The following ALMS1 variants were observed in gnomAD, a reference collection of about 807,000 sequenced individuals.
The protein encoded by ALMS1 is ALMS1 centrosome and basal body associated protein.
ALMS1 carries 271 observed loss-of-function variants against 352.2 expected under a neutral mutation model. The observed-to-expected ratio is 0.77, with a 90% CI of 0.70 to 0.85. The LOEUF is 0.85. Ranked by LOEUF, ALMS1 falls within the 40% of genes least tolerant of loss-of-function variation. The pLI is 0.00. For synonymous variants in ALMS1, 1,865 were observed against 1,761.2 expected, an observed-to-expected ratio of 1.06 and a Z score of -1.48; for missense variants, 5,445 against 4,870.7, an observed-to-expected ratio of 1.12 and a Z score of -3.51.
intron 9 of ALMS1, among the ~76,000 whole-genome samples, chr2:73,485,468 C>G (rs1340508354): frequency 6.6e-6 from 1 of 152,250 alleles, no homozygotes; most frequent in African/African-American, 2.4e-5. Flanking sequence ...AGAACCACTG[C>G]TCTCTTCAAA....
chr2:73,570,711 G>A (rs1446044392), intron 15 of ALMS1, among the ~76,000 whole-genome samples: 1 of 152,196 alleles, frequency 6.6e-6, no homozygotes. Context: ...GATGAGTTGG[G>A]TTCCAGAGCA....
In ALMS1 at chr2:73,386,165, G is replaced by A. The variant is rs1193814238; in HGVS notation, c.297G>A (p.Ser99=). Residue 99 remains serine, a synonymous_variant, in exon 1 of 23, where the codon TCG becomes TCA. Transcript: ENST00000613296. The stretch of plus-strand genomic sequence containing the variant: ...TGTCGCCCCCGCAGCACCGCTACTC[G>A]GAGGGCGAGCGGACCTCCCTGGAGA... The part of the protein sequence containing the change: ...PPLSPPQHRY[S]EGERTSLEKI... 1.3e-6 allele frequency: 2 copies of A among 1,550,794 alleles called. No individual in the cohort carries two copies. The highest frequency in any genetic ancestry group is 2.0e-5 in the Admixed American group (1 of 51,054).
chr2:73,494,724 GT>G (rs1218615754), intron 10 of ALMS1, among the ~76,000 whole-genome samples: 1 of 152,194 alleles, frequency 6.6e-6, no homozygotes, highest in Admixed American at 6.5e-5. Flanking sequence ...AGCACATTAT[GT>G]TGATATACAT....
chr2:73,534,425 A>G (rs1673984326), intron 11 of ALMS1, among the ~76,000 whole-genome samples: 1 of 152,158 alleles, frequency 6.6e-6, no homozygotes, highest in Non-Finnish European at 1.5e-5. Context: ...GTAAGATAAC[A>G]TGTTTTTTAG....
intron 7 of ALMS1, among the ~76,000 whole-genome samples, chr2:73,432,784 A>G (rs1671526433): frequency 6.6e-6 from 1 of 152,146 alleles, no homozygotes; most frequent in Admixed American, 6.5e-5. Flanking sequence ...AAACATTCAG[A>G]CCATCACAAG....
rs369011755 is a variant in ALMS1 at position 73,452,639 on chromosome 2, A to T, written c.6112A>T (p.Thr2038Ser). 2 of 1,613,972 alleles carry T rather than the reference A, an allele frequency of 1.2e-6. No individual in the cohort carries two copies. Among genetic ancestry groups the T allele is most frequent in the Admixed American group, 1.7e-5 (1 of 60,000 alleles). Residue 2038 changes from threonine to serine, a missense_variant, in exon 8 of 23, where the codon ACT (threonine) becomes TCT (serine). Coordinates refer to ENST00000613296, the MANE Select transcript of ALMS1 (RefSeq NM_001378454.1). ...TGTGATTGGACCAAATGACCAGAAG[A>T]CTCCATCCCAGACAGCTTTTCATAG... is the stretch of plus-strand genomic sequence containing the variant. ...STVIGPNDQK[T>S]PSQTAFHSSY...
At chr2:73,537,365 G>T (rs943397984) in intron 12 of ALMS1, among the ~76,000 whole-genome samples, 1 of 152,168 alleles carries the variant, frequency 6.6e-6, no homozygotes, top group African/African-American at 2.4e-5. Context: ...GACCCAAGGC[G>T]CTAGGTCTTA....
intron 10 of ALMS1, among the ~76,000 whole-genome samples, 200 bp downstream of exon 10, chr2:73,491,698 T>A (rs1280865796): frequency 6.6e-6 from 1 of 152,242 alleles, no homozygotes; most frequent in African/African-American, 2.4e-5. Flanking sequence ...CATTTATATT[T>A]CAGAGGGCTT....
rs2104026319 is a variant in ALMS1, at chr2:73,547,089, T to C, written c.9908-3178T>C. 1.3e-5 allele frequency among the ~76,000 whole-genome samples: 2 copies of C among 152,342 alleles called. 1 individual carries two copies. On this transcript the variant is annotated intron_variant, in intron 12 of 22. Coordinates refer to ENST00000613296, the MANE Select transcript of ALMS1 (RefSeq NM_001378454.1). Reference sequence around the variant, plus strand: ...AGTATTTAATAAACTATATGAACTATTTGATACTGTATTATAAAATAGACT... The same window carrying C: ...AGTATTTAATAAACTATATGAACTACTTGATACTGTATTATAAAATAGACT...
chr2:73,459,297 T>C (rs1397278458), intron 9 of ALMS1: 3 of 152,206 alleles, frequency 2.0e-5, no homozygotes, highest in African/African-American at 4.8e-5. Context: ...ACTTGTAATG[T>C]TAACTCATAC....
In ALMS1 at chr2:73,450,732, C is replaced by T; in HGVS notation, c.4205C>T (p.Thr1402Ile). 1.2e-6 allele frequency: 2 copies of T among 1,613,312 alleles called. No homozygotes were observed. Among genetic ancestry groups the T allele is most frequent in the South Asian group, 2.2e-5 (2 of 91,054 alleles). The change falls in exon 8 of 23, where the codon ACT (threonine) becomes ATT (isoleucine). Residue 1402 changes from threonine (T) to isoleucine (I), a missense_variant. Physicochemically the swap from Thr to Ile is moderately conservative, Grantham distance 89. Coordinates refer to ENST00000613296, the MANE Select transcript of ALMS1 (RefSeq NM_001378454.1). ...YQQSLPGSHL[T>I]EEAKNVSAVP... is the part of the protein sequence containing the mutation. ...CAGTCGTTGCCAGGTAGTCATCTAA[C>T]TGAAGAGGCTAAGAACGTTTCAGCG...
intron 14 of ALMS1, 89 bp from the exon 15 acceptor site, chr2:73,558,883 G>A (rs1349073091): frequency 4.3e-6 from 6 of 1,380,016 alleles, no homozygotes; most frequent in African/African-American, 4.3e-5. Flanking sequence ...CAGTAACAAA[G>A]CCTTTCACAT....
intron 9 of ALMS1, 21 bp from the exon 10 acceptor site, chr2:73,489,613 C>T: frequency 6.2e-7 from 1 of 1,613,762 alleles, no homozygotes; most frequent in Non-Finnish European, 8.5e-7. Flanking sequence ...AAATAAGAAC[C>T]TGTTTGTTTG....
intron 2 of ALMS1, among the ~76,000 whole-genome samples, chr2:73,410,167 T>C (rs1671048116): frequency 6.6e-6 from 1 of 152,164 alleles, no homozygotes; most frequent in Non-Finnish European, 1.5e-5. Context: ...GGTGGGTGGA[T>C]CACCTGAGGT....
In ALMS1 at chr2:73,474,409, GTC is replaced by G. The variant is rs1180859262; in HGVS notation, c.7675-15223_7675-15222del. Among the ~76,000 whole-genome samples, 332 of 115,280 alleles carry G rather than the reference GTC, an allele frequency of 2.9e-3. 1 individual carries two copies. Among genetic ancestry groups the G allele is most frequent in the South Asian group, 0.012 (38 of 3,150 alleles). The allele number at this position is 115,280 out of a possible 152,430, so 75.6% of individuals were successfully genotyped here. On this transcript the variant is annotated intron_variant, in intron 9 of 22. Transcript: ENST00000613296. ...TGTGTGTGTGTGTGTGTGTGTGTGT[GTC>G]TATTGGTTTACATGACGGTGAAGAA...
intron 2 of ALMS1, among the ~76,000 whole-genome samples, chr2:73,417,048 G>A (rs1258891695): frequency 6.6e-6 from 1 of 152,124 alleles, no homozygotes; most frequent in Non-Finnish European, 1.5e-5. Context: ...AGCTGAGATT[G>A]TGCCACTGTA....
intron 9 of ALMS1, chr2:73,471,115 A>G (rs1260826392): frequency 2.0e-5 from 3 of 151,696 alleles, no homozygotes; most frequent in Non-Finnish European, 4.4e-5. Flanking sequence ...ATAGGGAAAG[A>G]CTTACTAGTT....
rs562360760 is a variant in ALMS1 at position 73,522,798 on chromosome 2, C to A, written c.9781+2782C>A. 3.3e-5 allele frequency among the ~76,000 whole-genome samples: 5 copies of A among 152,184 alleles called. No homozygotes were observed. The South Asian group carries it at 1.0e-3, about 32-fold the overall frequency. ...ATTTTTTATTAATTTCTTGACTGGA[C>A]TTTCTTTAGAGGTCACTTTGCCATG... On this transcript the variant is annotated intron_variant, in intron 11 of 22. Transcript: ENST00000613296.
chr2:73,388,220 C>G (rs1260298703), intron 1 of ALMS1, among the ~76,000 whole-genome samples: 2 of 152,190 alleles, frequency 1.3e-5, no homozygotes, highest in Non-Finnish European at 1.5e-5. Context: ...GCTTGAATAA[C>G]TATTAATATT....
Sources: gnomAD v4.1 joint callset for allele counts (sites outside exome capture counted in the v4.1 genomes callset) on GRCh38, gnomAD v4.1.1 for gene constraint, MANE v1.5 for transcripts, NCBI Gene and HGNC (gene_info 2026-07-23, HGNC 2026-07-21) for gene names.